Variants in ANXA4 observed in about 807,000 individuals in gnomAD.
ANXA4 encodes annexin A4, also known as 35-beta calcimedin.
Under a neutral mutation model 49.8 loss-of-function variants are expected in ANXA4, and 39 were observed. The ratio of observed to expected loss-of-function variants is 0.78; its 90% CI spans 0.61 to 1.02. The LOEUF is 1.02. ANXA4 is among the 50% of genes least tolerant of loss of function. ANXA4 has a pLI of 0.00. For missense variants in ANXA4, 360 were observed against 410.1 expected (o/e 0.88, Z 1.05); for synonymous variants, 134 against 152.5 (o/e 0.88, Z 0.89).
chr2:69,663,098 T>G (rs1676787020), intron 2 of ANXA4, among the ~76,000 whole-genome samples: 1 of 147,408 alleles, frequency 6.8e-6, no homozygotes, highest in African/African-American at 2.5e-5. Context: ...GTTCACGCCA[T>G]TCTCCTGCCT....
intron 2 of ANXA4, among the ~76,000 whole-genome samples, chr2:69,711,992 T>A (rs1402636014): frequency 3.3e-5 from 5 of 152,184 alleles, no homozygotes; most frequent in Non-Finnish European, 7.3e-5. Context: ...CATAGGATTT[T>A]TGTATGTGTT....
intron 3 of ANXA4, among the ~76,000 whole-genome samples, chr2:69,796,415 G>A (rs1027834203): frequency 6.6e-6 from 1 of 152,146 alleles, no homozygotes; most frequent in South Asian, 2.1e-4. Flanking sequence ...GGTACTATCT[G>A]GTCCTATAGC....
intron 9 of ANXA4, chr2:69,816,508 A>G (rs1674000822): frequency 4.0e-6 from 1 of 251,246 alleles, no homozygotes. Context: ...TAATGTAGTT[A>G]CATATGAAAG....
upstream of ANXA4, among the ~76,000 whole-genome samples, chr2:69,737,470 G>A (rs60139431): frequency 0.019 from 2,917 of 152,096 alleles, 98 homozygotes; most frequent in African/African-American, 0.067. Context: ...TTTGCCTTCT[G>A]TCTATGCATT....
chr2:69,748,226 A>G (rs1670696403), intron 1 of ANXA4, among the ~76,000 whole-genome samples: 2 of 152,030 alleles, frequency 1.3e-5, no homozygotes, highest in South Asian at 4.2e-4. Context: ...AAATACAAAA[A>G]AAATTAGCCG....
intron 1 of ANXA4, among the ~76,000 whole-genome samples, chr2:69,647,349 TAA>T: frequency 6.6e-6 from 1 of 151,586 alleles, no homozygotes; most frequent in African/African-American, 2.4e-5. Flanking sequence ...TTATGGAATT[TAA>T]AAAATATATA....
At chr2:69,705,576 T>C (rs1264711235) in intron 2 of ANXA4, among the ~76,000 whole-genome samples, 1 of 152,196 alleles carries the variant, frequency 6.6e-6, no homozygotes. Context: ...AATCTAAAGA[T>C]TTTGTAGTTG....
intron 2 of ANXA4, among the ~76,000 whole-genome samples, chr2:69,784,888 A>C (rs540737003): frequency 6.6e-6 from 1 of 152,120 alleles, no homozygotes; most frequent in African/African-American, 2.4e-5. Context: ...TCTCATATCC[A>C]CATCTTCTTA....
At chr2:69,773,416 G>T (rs1052671887) in intron 1 of ANXA4, among the ~76,000 whole-genome samples, 11 of 152,070 alleles carry the variant, frequency 7.2e-5, no homozygotes, top group Non-Finnish European at 1.0e-4. Context: ...ATCTGCCAGG[G>T]TTGTCAGCCA....
At chr2:69,808,070 T>C in intron 6 of ANXA4, 74 bp downstream of exon 6, 1 of 1,427,212 alleles carries the variant, frequency 7.0e-7, no homozygotes, top group Admixed American at 1.7e-5. Flanking sequence ...CGGGTTGTTG[T>C]TTGCTGATTA....
chr2:69,743,614 C>T (rs1297244977), intron 1 of ANXA4, among the ~76,000 whole-genome samples: 1 of 152,096 alleles, frequency 6.6e-6, no homozygotes, highest in Non-Finnish European at 1.5e-5. Flanking sequence ...ACGGATAACC[C>T]CATGACCCAA....
intron 3 of ANXA4, among the ~76,000 whole-genome samples, chr2:69,735,661 G>A (rs10203645): frequency 0.57 from 85,777 of 151,780 alleles, 25,041 homozygotes; most frequent in East Asian, 0.7. Context: ...AGTATTTAGA[G>A]AGGAGATTCA....
intron 2 of ANXA4, among the ~76,000 whole-genome samples, chr2:69,703,921 C>T (rs574578908): frequency 7.9e-5 from 12 of 152,174 alleles, no homozygotes; most frequent in African/African-American, 2.4e-4. Flanking sequence ...ACTACAGGTG[C>T]GTGCCACCCC....
chr2:69,746,658 A>C (rs996922806), intron 1 of ANXA4, among the ~76,000 whole-genome samples: 1 of 152,146 alleles, frequency 6.6e-6, no homozygotes, highest in African/African-American at 2.4e-5. Flanking sequence ...AAGTTGTTTG[A>C]TGTCAGTAAA....
intron 3 of ANXA4, among the ~76,000 whole-genome samples, chr2:69,734,940 C>A (rs953979697): frequency 1.3e-5 from 2 of 152,180 alleles, no homozygotes; most frequent in East Asian, 3.9e-4. Flanking sequence ...TCCACAGTCA[C>A]CCCTTGTCAA....
chr2:69,806,641 A>G, intron 5 of ANXA4, 143 bp downstream of exon 5: 2 of 642,728 alleles, frequency 3.1e-6, no homozygotes, highest in South Asian at 1.9e-5. Flanking sequence ...AATGTGGTAC[A>G]TGTACACCAT....
intron 2 of ANXA4, among the ~76,000 whole-genome samples, chr2:69,658,918 G>A (rs1403637571): frequency 2.0e-5 from 3 of 152,030 alleles, no homozygotes; most frequent in Non-Finnish European, 4.4e-5. Flanking sequence ...GGCTGGTCTC[G>A]AACTCCTGAC....
At chr2:69,763,769 TCTC>T (rs1671390951) in intron 1 of ANXA4, among the ~76,000 whole-genome samples, 1 of 151,856 alleles carries the variant, frequency 6.6e-6, no homozygotes, top group Non-Finnish European at 1.5e-5. Flanking sequence ...TTCAAGCAAT[TCTC>T]CTGTCTCAGC....
intron 1 of ANXA4, among the ~76,000 whole-genome samples, chr2:69,746,366 T>C (rs909518133): frequency 2.0e-5 from 3 of 152,174 alleles, no homozygotes; most frequent in African/African-American, 7.2e-5. Context: ...TTAACAGGTT[T>C]TTTTTCCCCT....
Sources: allele counts gnomAD v4.1 joint callset (sites outside exome capture counted in the v4.1 genomes callset), GRCh38; gene constraint gnomAD v4.1.1; transcripts MANE v1.5; gene names NCBI Gene and HGNC (gene_info 2026-07-23, HGNC 2026-07-21).